The following POM121 variants were observed in gnomAD, a reference collection of about 807,000 sequenced individuals.
The protein encoded by POM121 is POM121 transmembrane nucleoporin.
Under a neutral mutation model 81.3 loss-of-function variants are expected in POM121, and 32 were observed. The ratio of observed to expected loss-of-function variants is 0.39; its 90% CI spans 0.30 to 0.53. POM121 has a LOEUF of 0.53. Among genes scored for constraint, POM121 ranks in the 20% least tolerant of loss-of-function variants. POM121 has a pLI of 0.66. For synonymous variants in POM121, 514 were observed against 694.2 expected, an observed-to-expected ratio of 0.74 and a Z score of 4.08; for missense variants, 1,138 against 1,614.6, an observed-to-expected ratio of 0.70 and a Z score of 5.06.
chr7:72,894,646 AGAGAG>A lies in POM121; in HGVS notation c.-216+3537_-216+3541del, dbSNP rs1791719815. On this transcript the variant is annotated intron_variant, in intron 3 of 15. Transcript: ENST00000395270. ...AGAGAGGAGAGAGAGAGAGAGAGAG[AGAGAG>A]AGAGAGAGAGAGAGAGAGAGAGAGA... 5.0e-5 allele frequency among the ~76,000 whole-genome samples: 3 copies of A among 60,390 alleles called. 1 individual carries two copies. The highest frequency in any genetic ancestry group is 1.7e-4 in the Non-Finnish European group (3 of 17,618). 39.6% of individuals were successfully genotyped at this position (60,390 alleles called of 152,430 possible). A position where few individuals can be genotyped will look rare whatever the true frequency, so the allele number is the denominator to read the frequency against.
rs1795287101 is a variant in POM121 at position 72,925,347 on chromosome 7, T to G, written c.226T>G (p.Ser76Ala). 1 of 1,534,062 alleles carries G rather than the reference T, an allele frequency of 6.5e-7. No individual in the cohort carries two copies. Among genetic ancestry groups the G allele is most frequent in the African/African-American group, 1.4e-5 (1 of 72,954 alleles). The change falls in exon 1 of 13, where the codon TCG becomes GCG. Residue 76 changes from serine to alanine, a missense_variant. Physicochemically the swap from Ser to Ala is moderately conservative, Grantham distance 99. Coordinates refer to ENST00000434423, the MANE Select transcript of POM121 (RefSeq NM_001387691.1). The stretch of plus-strand genomic sequence containing the variant: ...GGGACTGAGCCGCGAGCCCCGAGGT[T>G]CGCGCCCCTTGTCCTCCTTCGTTCG... The part of the protein sequence containing the change: ...WWGLSREPRG[S>A]RPLSSFVRKA...
rs1554502066 is a variant in POM121 at position 72,943,066 on chromosome 7, C to T, written c.3073C>T (p.Pro1025Ser). 6.2e-7 allele frequency: 1 copy of T among 1,613,884 alleles called. No individual in the cohort carries two copies. The highest frequency in any genetic ancestry group is 2.2e-5 in the East Asian group (1 of 44,866). ...IKVVPAYVPTPIHPIFGGATH... is the reference protein window; with the variant it reads ...IKVVPAYVPTSIHPIFGGATH... The stretch of plus-strand genomic sequence containing the variant: ...GGTCGTGCCTGCGTACGTGCCTACG[C>T]CCATCCATCCTATCTTTGGCGGTGC... The change falls in exon 11 of 13, where the codon CCC (proline) becomes TCC (serine). Residue 1025 changes from proline (P) to serine (S), a missense_variant. Physicochemically the swap from Pro to Ser is moderately conservative, Grantham distance 74. Transcript: ENST00000434423.
At position 72,939,371 on chromosome 7, in the gene POM121, C is replaced by G. The variant is rs781966288; in HGVS notation, c.1403C>G (p.Thr468Ser). The G allele has an allele frequency of 4.3e-6, 7 of 1,613,814 alleles. No homozygotes were observed. In the South Asian group the frequency reaches 5.5e-5, roughly 13 times the overall value. The change falls in exon 7 of 13, where the codon ACT (threonine) becomes AGT (serine). Residue 468 changes from threonine (T) to serine (S), a missense_variant. Around this residue, in one of 7 missense-constraint regions of POM121, gnomAD observed 646 missense variants for 633.5 expected, o/e 1.02. Transcript: ENST00000434423. ...CTGTGTCATCATTCCAGTTCTTCAA[C>G]TCCATTGGCAGCAGACAGGGAGTCC... is the stretch of plus-strand genomic sequence containing the variant. ...EELCHHSSSS[T>S]PLAADRESQG... is the part of the protein sequence containing the mutation.
chr7:72,939,748 A>G, intron 7 of POM121, 99 bp from the exon 8 acceptor site: 1 of 1,609,478 alleles, frequency 6.2e-7, no homozygotes, highest in East Asian at 2.2e-5. Context: ...TTTCAGAGAT[A>G]CCCATTGAAA....
In POM121 at chr7:72,925,287, G is replaced by C; in HGVS notation, c.166G>C (p.Ala56Pro). Residue 56 changes from alanine to proline, a missense_variant, in exon 1 of 13, where the codon GCC (alanine) becomes CCC (proline). By Grantham distance (27) the Ala-to-Pro change is conservative. This residue lies in a region of POM121 where 646 missense variants were observed against 633.5 expected (regional missense o/e 1.02). Transcript: ENST00000434423. The part of the protein sequence containing the change: ...LYLVPAAAAL[A>P]WLTVGATAAW... The stretch of plus-strand genomic sequence containing the variant: ...CCTCGTGCCGGCTGCGGCTGCACTG[G>C]CCTGGCTGACCGTGGGGGCTACCGC... 2 of 1,534,630 alleles carry C rather than the reference G, an allele frequency of 1.3e-6. No homozygotes were observed. Among genetic ancestry groups the C allele is most frequent in the South Asian group, 2.4e-5 (2 of 83,958 alleles).
chr7:72,949,028 A>T (rs1563180478), downstream of POM121: 4 of 1,612,750 alleles, frequency 2.5e-6, no homozygotes, highest in Non-Finnish European at 3.4e-6. Context: ...CGCTGCTGGA[A>T]CCCTGCCAGG....
chr7:72,909,941 C>T (rs1273881461), intron 3 of POM121, among the ~76,000 whole-genome samples: 1 of 152,226 alleles, frequency 6.6e-6, no homozygotes, highest in Non-Finnish European at 1.5e-5. Context: ...GCCACTGCAC[C>T]CAGCCCTGGA....
Position 72,943,018 on chromosome 7 carries a change from C to G in POM121, c.3025C>G (p.Pro1009Ala), listed in dbSNP as rs782070076. 1 of 1,613,846 alleles carries G rather than the reference C, an allele frequency of 6.2e-7. No homozygotes were observed. Among genetic ancestry groups the G allele is most frequent in the Non-Finnish European group, 8.5e-7 (1 of 1,179,838 alleles). Residue 1009 changes from proline (P) to alanine (A), a missense_variant, in exon 11 of 13, where the codon CCT (proline) becomes GCT (alanine). Pro to Ala is a conservative substitution (Grantham distance 27, BLOSUM62 -1). Around this residue, in one of 7 missense-constraint regions of POM121, gnomAD observed 336 missense variants for 344.3 expected, o/e 0.98. Transcript: ENST00000434423. ...TGCAGCCCCGGCTGCTGCACCCACA[C>G]CTGCACCTCCGTCCATGATCAAGGT... ...NSAAPAAAPT[P>A]APPSMIKVVP... is the part of the protein sequence containing the mutation.
chr7:72,917,029 G>A (rs750192576), intron 4 of POM121, among the ~76,000 whole-genome samples: 2 of 152,204 alleles, frequency 1.3e-5, no homozygotes, highest in Non-Finnish European at 2.9e-5. Context: ...ATGGACATTT[G>A]AATATTGCAA....
Position 72,925,664 on chromosome 7 carries a change from GCCGCGCTCCCCC to G in POM121, c.548_559del (p.Arg183_Pro186del). On this transcript the variant is annotated inframe_deletion, in exon 1 of 13. Coordinates refer to ENST00000434423, the MANE Select transcript of POM121 (RefSeq NM_001387691.1). ...GCTCCCCACCGCCGCGCTCCCCACCGCCGCGCTCCCCCCCGCCCTCCCCGCCGACCCATCGCG... is the reference window on the plus strand; with the variant it reads ...GCTCCCCACCGCCGCGCTCCCCACCGCCGCCCTCCCCGCCGACCCATCGCG... 1 of 117,008 alleles carries G rather than the reference GCCGCGCTCCCCC, an allele frequency of 8.5e-6. No individual in the cohort carries two copies. The highest frequency in any genetic ancestry group is 1.1e-5 in the Non-Finnish European group (1 of 88,508). The allele number at this position is 117,008 out of a possible 1,614,324, so 7.2% of individuals were successfully genotyped here.
At chr7:72,890,783 C>T (rs1554490790) in intron 2 of POM121, 5 of 1,593,772 alleles carry the variant, frequency 3.1e-6, no homozygotes, top group Non-Finnish European at 4.3e-6. Flanking sequence ...TGAATGCTCT[C>T]AGTTGAATGG....
chr7:72,943,721 A>G (rs1318628982), intron 11 of POM121, among the ~76,000 whole-genome samples, 199 bp downstream of exon 11: 2 of 151,882 alleles, frequency 1.3e-5, no homozygotes, highest in African/African-American at 2.4e-5. Flanking sequence ...TAACTGGTCA[A>G]AGGCCTTCTG....
At chr7:72,886,303 A>G (rs565319613) in intron 1 of POM121, among the ~76,000 whole-genome samples, 2 of 152,022 alleles carry the variant, frequency 1.3e-5, no homozygotes, top group Non-Finnish European at 2.9e-5. Flanking sequence ...CCTCCTGGGT[A>G]GCTGGGATTA....
Position 72,925,554 on chromosome 7 carries a change from G to C in POM121, c.433G>C (p.Gly145Arg), listed in dbSNP as rs1795322956. The change falls in exon 1 of 13, where the codon GGG becomes CGG. Residue 145 changes from glycine (G) to arginine (R), a missense_variant. Gly to Arg is a moderately radical substitution (Grantham distance 125). Transcript: ENST00000434423. ...LLMGSYLGKPGPPQPAAAPEG... is the reference protein window; with the variant it reads ...LLMGSYLGKPRPPQPAAAPEG... ...CATGGGCAGTTACCTGGGCAAGCCC[G>C]GGCCGCCGCAGCCCGCCGCCGCTCC... 6.5e-7 allele frequency: 1 copy of C among 1,532,294 alleles called. No individual in the cohort carries two copies. 94.9% of individuals were successfully genotyped at this position (1,532,294 alleles called of 1,614,324 possible).
chr7:72,895,836 G>C lies in POM121; in HGVS notation c.-216+4726G>C, dbSNP rs564445879. Among the ~76,000 whole-genome samples, 36 of 151,946 alleles carry C rather than the reference G, an allele frequency of 2.4e-4. No individual in the cohort carries two copies. The South Asian group carries it at 7.5e-3, about 32-fold the overall frequency. On this transcript the variant is annotated intron_variant, in intron 3 of 15. Coordinates refer to the POM121 transcript ENST00000395270. ...AGGCAGGAGAATCACTTGAACCCAG[G>C]AGGCAGAGGCTGCAGTGAGCTGAGA...
chr7:72,923,113 A>ACCCCCC (rs376744233), upstream of POM121, among the ~76,000 whole-genome samples: 4 of 80,798 alleles, frequency 5.0e-5, no homozygotes, highest in East Asian at 3.9e-4. Flanking sequence ...CTCCCCCCCA[A>ACCCCCC]CCCCCCCCCC....
chr7:72,933,214 C>T (rs1229819121), intron 5 of POM121, among the ~76,000 whole-genome samples: 7 of 152,038 alleles, frequency 4.6e-5, no homozygotes, highest in African/African-American at 7.3e-5. Flanking sequence ...TTTAGCCAGG[C>T]GTGGTCGTGT....
rs1554501844 is a variant in POM121 at position 72,942,843 on chromosome 7, T to A, written c.2850T>A (p.Ile950=). The part of the protein sequence containing the change: ...FSNTSTPTFN[I]PFGSSAKSPL... ...ACACGAGCACCCCCACGTTCAACAT[T>A]CCCTTTGGCTCAAGCGCCAAGTCCC... is the stretch of plus-strand genomic sequence containing the variant. Residue 950 remains isoleucine, a synonymous_variant, in exon 11 of 13, where the codon ATT becomes ATA. Transcript: ENST00000434423. 7 of 1,573,916 alleles carry A rather than the reference T, an allele frequency of 4.4e-6. No individual in the cohort carries two copies. The highest frequency in any genetic ancestry group is 6.0e-6 in the Non-Finnish European group (7 of 1,162,390).
At chr7:72,887,478 A>G (rs1790837566) in intron 1 of POM121, among the ~76,000 whole-genome samples, 2 of 152,000 alleles carry the variant, frequency 1.3e-5, no homozygotes, top group African/African-American at 4.8e-5. Flanking sequence ...CACCTTGTTT[A>G]TTTCCCATCA....
Sources: gnomAD v4.1 joint callset for allele counts (sites outside exome capture counted in the v4.1 genomes callset) on GRCh38, gnomAD v4.1.1 for gene constraint, gnomAD v4.1.1 regional missense constraint, MANE v1.5 for transcripts, NCBI Gene and HGNC (gene_info 2026-07-23, HGNC 2026-07-21) for gene names.